STAT5A: variants seen among roughly 807,000 people sequenced by gnomAD.
STAT5A encodes the protein signal transducer and activator of transcription 5A.
In STAT5A, 26 loss-of-function variants were observed where a neutral mutation model predicts 100.2. The observed-to-expected ratio is 0.26, with a 90% confidence interval of 0.19 to 0.36. STAT5A has a LOEUF of 0.36. Among genes scored for constraint, STAT5A ranks in the 10% least tolerant of loss-of-function variants. STAT5A has a pLI of 1.00. For synonymous variants in STAT5A, 330 were observed against 424.3 expected, an observed-to-expected ratio of 0.78 and a Z score of 2.73; for missense variants, 634 against 1,027.5, an observed-to-expected ratio of 0.62 and a Z score of 5.24.
intron 5 of STAT5A, 143 bp from the exon 6 acceptor site, chr17:42,299,608 C>T: frequency 7.2e-7 from 1 of 1,398,136 alleles, no homozygotes; most frequent in Non-Finnish European, 9.6e-7. Context: ...CTTGGCCCCC[C>T]TGGCTGTCAG....
At position 42,307,413 on chromosome 17, in the gene STAT5A, G is replaced by A. The variant is rs763002225; in HGVS notation, c.1692G>A (p.Pro564=). ...TCCTGGGCCCTCAGGAGAACTTGCC[G>A]GGCTGGAACTACACCTTCTGGCAGT... ...SWSQFNRENL[P]GWNYTFWQWF... Residue 564 remains proline (P), a synonymous_variant, in exon 14 of 19, where the codon CCG becomes CCA. Coordinates refer to ENST00000590949, the MANE Select transcript of STAT5A (RefSeq NM_001288718.2). 42 of 1,613,734 alleles carry A rather than the reference G, an allele frequency of 2.6e-5. No individual in the cohort carries two copies. Among genetic ancestry groups the A allele is most frequent in the South Asian group, 3.3e-5 (3 of 91,058 alleles).
rs2081077213 is a variant in STAT5A at position 42,311,140 on chromosome 17, A to G, written c.*471A>G. The stretch of plus-strand genomic sequence containing the variant: ...AGAGAAAGAGAGAGTGTGTGGGTCT[A>G]TGTAAATGCATCTGTCCTCATGTGT... On this transcript the variant is annotated 3_prime_UTR_variant, in exon 19 of 19. Transcript: ENST00000590949. 1 of 192,396 alleles carries G rather than the reference A, an allele frequency of 5.2e-6. No individual in the cohort carries two copies. Among genetic ancestry groups the G allele is most frequent in the African/African-American group, 2.3e-5 (1 of 43,872 alleles). The allele number at this position is 192,396 out of a possible 1,614,324, so 11.9% of individuals were successfully genotyped here.
chr17:42,296,182 C>T (rs1001495176), intron 5 of STAT5A, among the ~76,000 whole-genome samples: 5 of 152,062 alleles, frequency 3.3e-5, no homozygotes, highest in Non-Finnish European at 5.9e-5. Flanking sequence ...CTGTAAATAT[C>T]GACACAAATA....
At chr17:42,289,752 G>T in intron 2 of STAT5A, 114 bp from the exon 3 acceptor site, 2 of 1,409,988 alleles carry the variant, frequency 1.4e-6, no homozygotes, top group Non-Finnish European at 1.9e-6. Context: ...CAAGTCTTGT[G>T]GGCCCTGGAG....
rs2081084215 is a variant in STAT5A at position 42,311,692 on chromosome 17, G to A, written c.*1023G>A. ...CTGGTTTGACTCCGCTGGAGGTGGG[G>A]CCTGGAGCAGGCCTTGCGCTGTTGC... On this transcript the variant is annotated 3_prime_UTR_variant, in exon 19 of 19. Transcript: ENST00000590949. 1.3e-5 allele frequency: 2 copies of A among 152,694 alleles called. No individual in the cohort carries two copies. The highest frequency in any genetic ancestry group is 2.9e-5 in the Non-Finnish European group (2 of 68,226). The allele number at this position is 152,694 out of a possible 1,614,324, so 9.5% of individuals were successfully genotyped here.
At chr17:42,301,492 T>TGCAG (rs1270917303) in intron 9 of STAT5A, 38 bp downstream of exon 9, 1 of 1,612,258 alleles carries the variant, frequency 6.2e-7, no homozygotes, top group East Asian at 2.2e-5. Context: ...CAAGCTTAGG[T>TGCAG]GTGGGGGACC....
intron 11 of STAT5A, 71 bp from the exon 12 acceptor site, chr17:42,305,539 G>T: frequency 8.3e-7 from 1 of 1,207,212 alleles, no homozygotes; most frequent in Middle Eastern, 1.9e-4. Flanking sequence ...AAAGCAGATT[G>T]GGCATGTTGC....
rs748960746 is a variant in STAT5A, at chr17:42,292,045, T to C, written c.359T>C (p.Val120Ala). Residue 120 changes from valine (V) to alanine (A), a missense_variant, in exon 4 of 19, where the codon GTC becomes GCC. Physicochemically the swap from Val to Ala is moderately conservative, Grantham distance 64. This residue lies in a region of STAT5A where 207 missense variants were observed against 256.6 expected (regional missense o/e 0.81). Transcript: ENST00000590949. The stretch of plus-strand genomic sequence containing the variant: ...ATTCTGTACAATGAACAGAGGCTGG[T>C]CCGAGAAGCCAACAATGTGAGTGTC... Reference protein sequence around the residue: ...RHILYNEQRLVREANNCSSPA... With the variant: ...RHILYNEQRLAREANNCSSPA... 3 of 1,613,562 alleles carry C rather than the reference T, an allele frequency of 1.9e-6. No individual in the cohort carries two copies. Among genetic ancestry groups the C allele is most frequent in the East Asian group, 2.2e-5 (1 of 44,872 alleles).
At chr17:42,303,123 G>A (rs2080997093) in intron 9 of STAT5A, among the ~76,000 whole-genome samples, 1 of 152,144 alleles carries the variant, frequency 6.6e-6, no homozygotes, top group East Asian at 1.9e-4. Flanking sequence ...GTGGAAGCCT[G>A]TAATCCCAGC....
At position 42,311,694 on chromosome 17, in the gene STAT5A, C is replaced by T. The variant is rs1028261868; in HGVS notation, c.*1025C>T. ...GGTTTGACTCCGCTGGAGGTGGGGC[C>T]TGGAGCAGGCCTTGCGCTGTTGCGT... is the stretch of plus-strand genomic sequence containing the variant. On this transcript the variant is annotated 3_prime_UTR_variant, in exon 19 of 19. Coordinates refer to ENST00000590949, the MANE Select transcript of STAT5A (RefSeq NM_001288718.2). 2.0e-5 allele frequency: 3 copies of T among 152,812 alleles called. No homozygotes were observed. Among genetic ancestry groups the T allele is most frequent in the Non-Finnish European group, 2.9e-5 (2 of 68,206 alleles). The allele number at this position is 152,812 out of a possible 1,614,324, so 9.5% of individuals were successfully genotyped here. A position where few individuals can be genotyped will look rare whatever the true frequency, so the allele number is the denominator to read the frequency against.
At position 42,300,834 on chromosome 17, in the gene STAT5A, C is replaced by T. The variant is rs767378397; in HGVS notation, c.953C>T (p.Ala318Val). Residue 318 changes from alanine (A) to valine (V), a missense_variant, in exon 8 of 19, where the codon GCC becomes GTC. Ala to Val is a moderately conservative substitution (Grantham distance 64, BLOSUM62 0). This residue lies in a region of STAT5A where 98 missense variants were observed against 149.7 expected (regional missense o/e 0.65). Coordinates refer to ENST00000590949, the MANE Select transcript of STAT5A (RefSeq NM_001288718.2). Reference sequence around the variant, plus strand: ...GAGGAGATGCTGGCCGAGGTCAACGCCACCATCACGGACATTATCTCAGCC... The same window carrying T: ...GAGGAGATGCTGGCCGAGGTCAACGTCACCATCACGGACATTATCTCAGCC... ...PVEEMLAEVNATITDIISALV... is the reference protein window; with the variant it reads ...PVEEMLAEVNVTITDIISALV... 5 of 1,612,314 alleles carry T rather than the reference C, an allele frequency of 3.1e-6. No individual in the cohort carries two copies. The South Asian group carries it at 5.5e-5, about 18-fold the overall frequency.
At chr17:42,301,211 G>A (rs2080975024) in intron 8 of STAT5A, 64 bp from the exon 9 acceptor site, 2 of 1,577,138 alleles carry the variant, frequency 1.3e-6, no homozygotes, top group African/African-American at 1.3e-5. Flanking sequence ...CACCACAGAG[G>A]GACTGAGAGC....
chr17:42,296,228 G>A (rs1042092459), intron 5 of STAT5A, among the ~76,000 whole-genome samples: 1 of 152,170 alleles, frequency 6.6e-6, no homozygotes, highest in East Asian at 1.9e-4. Flanking sequence ...CCAGAGGGAG[G>A]ACTTGGATTG....
At chr17:42,291,053 GGAGCCCT>G (rs1320354595) in intron 3 of STAT5A, among the ~76,000 whole-genome samples, 8 of 152,202 alleles carry the variant, frequency 5.3e-5, no homozygotes, top group African/African-American at 1.9e-4. Flanking sequence ...AGGATCAGTG[GGAGCCCT>G]GAGCTTGTTT....
In STAT5A at chr17:42,305,210, A is replaced by G. The variant is rs150909791; in HGVS notation, c.1381-400A>G. Among the ~76,000 whole-genome samples the G allele has an allele frequency of 3.8e-3, 579 of 152,044 alleles. 7 individuals are homozygous for G. Among genetic ancestry groups the G allele is most frequent in the African/African-American group, 0.012 (504 of 41,492 alleles). On this transcript the variant is annotated intron_variant, in intron 11 of 18. Coordinates refer to ENST00000590949, the MANE Select transcript of STAT5A (RefSeq NM_001288718.2). ...GCGAGACCCTGTCTCGAAGAAAATA[A>G]AGCAGATTGCGGCCATGGGTGGTGG...
rs374315116 is a variant in STAT5A, at chr17:42,299,911, G to A, written c.681+30G>A. 5.1e-5 allele frequency: 81 copies of A among 1,590,896 alleles called. No homozygotes were observed. In the African/African-American group the frequency reaches 5.1e-4, roughly 10 times the overall value. ...GTGGGGTCCTGGGCCTCTCCTGGGCGTGGGTGCCATGAAGTCAGTCTCTGG... is the reference window on the plus strand; with the variant it reads ...GTGGGGTCCTGGGCCTCTCCTGGGCATGGGTGCCATGAAGTCAGTCTCTGG... On this transcript the variant is annotated intron_variant, in intron 6 of 18. Transcript: ENST00000590949.
In STAT5A at chr17:42,300,822, C is replaced by T; in HGVS notation, c.941C>T (p.Ala314Val). 1 of 1,612,178 alleles carries T rather than the reference C, an allele frequency of 6.2e-7. No homozygotes were observed. Among genetic ancestry groups the T allele is most frequent in the East Asian group, 2.2e-5 (1 of 44,834 alleles). The change falls in exon 8 of 19, where the codon GCC becomes GTC. Residue 314 changes from alanine to valine, a missense_variant. By Grantham distance (64) the Ala-to-Val change is moderately conservative. This residue lies in a region of STAT5A where 98 missense variants were observed against 149.7 expected (regional missense o/e 0.65). Transcript: ENST00000590949. ...PIPGPVEEML[A>V]EVNATITDII... The stretch of plus-strand genomic sequence containing the variant: ...CCCGGCCCAGTGGAGGAGATGCTGG[C>T]CGAGGTCAACGCCACCATCACGGAC...
chr17:42,289,815 C>G (rs2080852610), intron 2 of STAT5A, 51 bp from the exon 3 acceptor site: 1 of 1,462,994 alleles, frequency 6.8e-7, no homozygotes, highest in African/African-American at 1.4e-5. Context: ...CCCTGACCTC[C>G]TTGCCCAAGG....
intron 3 of STAT5A, among the ~76,000 whole-genome samples, chr17:42,291,201 T>C (rs543198509): frequency 2.0e-5 from 3 of 152,208 alleles, no homozygotes; most frequent in Non-Finnish European, 4.4e-5. Flanking sequence ...AGCATTCCTA[T>C]GGGAATCCAG....
Sources: allele counts gnomAD v4.1 joint callset (sites outside exome capture counted in the v4.1 genomes callset), GRCh38; gene constraint gnomAD v4.1.1; regional missense constraint gnomAD v4.1.1; transcripts MANE v1.5; gene names NCBI Gene and HGNC (gene_info 2026-07-23, HGNC 2026-07-21).